Variants in CFAP299 observed in about 807,000 individuals in gnomAD.
CFAP299 encodes cilia- and flagella-associated protein 299.
CFAP299 carries 21 observed loss-of-function variants against 27.0 expected under a neutral mutation model. That is an observed-to-expected ratio of 0.78 (90% CI 0.55 to 1.12). The LOEUF is 1.12. Ranked by LOEUF, CFAP299 falls within the 50% of genes most tolerant of loss-of-function variation. The pLI is 0.00. For synonymous variants in CFAP299, 104 were observed against 98.1 expected, an observed-to-expected ratio of 1.06 and a Z score of -0.36; for missense variants, 310 against 276.6, an observed-to-expected ratio of 1.12 and a Z score of -0.86.
intron 3 of CFAP299, among the ~76,000 whole-genome samples, chr4:80,741,604 C>T (rs1210430212): frequency 1.3e-5 from 2 of 152,094 alleles, no homozygotes; most frequent in African/African-American, 4.8e-5. Context: ...TCTTTCTAAT[C>T]AGAAGGAAGG....
the CFAP299 span, among the ~76,000 whole-genome samples, chr4:80,324,613 C>T: frequency 6.6e-6 from 1 of 152,160 alleles, no homozygotes; most frequent in South Asian, 2.1e-4. Flanking sequence ...GTTGCTGCCA[C>T]CGTCTCCTCT....
At chr4:80,844,601 G>GT (rs1430716462) in intron 3 of CFAP299, among the ~76,000 whole-genome samples, 3 of 151,278 alleles carry the variant, frequency 2.0e-5, no homozygotes, top group African/African-American at 7.4e-5. Context: ...TGATGGGGTT[G>GT]TTTGTTTTTT....
At chr4:80,705,154 T>C (rs2110031093) in intron 3 of CFAP299, among the ~76,000 whole-genome samples, 1 of 151,936 alleles carries the variant, frequency 6.6e-6, no homozygotes, top group East Asian at 1.9e-4. Flanking sequence ...AATATAATAG[T>C]AACTGCTGAA....
At chr4:80,641,260 AG>A (rs1288078597) in intron 3 of CFAP299, among the ~76,000 whole-genome samples, 1 of 152,148 alleles carries the variant, frequency 6.6e-6, no homozygotes, top group Non-Finnish European at 1.5e-5. Flanking sequence ...GCTGGAGTAC[AG>A]TGGCATGATC....
chr4:80,519,979 G>C (rs912203228), intron 2 of CFAP299, among the ~76,000 whole-genome samples: 42 of 152,232 alleles, frequency 2.8e-4, no homozygotes, highest in African/African-American at 9.6e-4. Flanking sequence ...TGAAGGTCAG[G>C]ATGGGCTAGG....
At chr4:80,528,265 C>T (rs2110183656) in intron 2 of CFAP299, among the ~76,000 whole-genome samples, 1 of 152,142 alleles carries the variant, frequency 6.6e-6, no homozygotes. Flanking sequence ...ATATTTTCAA[C>T]CTCATTCTAT....
At chr4:80,368,809 T>A (rs915378409) in intron 2 of CFAP299, among the ~76,000 whole-genome samples, 3 of 152,226 alleles carry the variant, frequency 2.0e-5, no homozygotes, top group African/African-American at 7.2e-5. Context: ...TAATTTTAAC[T>A]TTTTGCTTAG....
chr4:80,428,647 C>T (rs944708109), intron 2 of CFAP299, among the ~76,000 whole-genome samples: 5 of 151,874 alleles, frequency 3.3e-5, no homozygotes, highest in Non-Finnish European at 7.4e-5. Context: ...CTGCCCCAGC[C>T]TCACGAGTAG....
At chr4:80,800,155 A>G (rs1728338925) in intron 3 of CFAP299, among the ~76,000 whole-genome samples, 1 of 72,338 alleles carries the variant, frequency 1.4e-5, no homozygotes, top group Non-Finnish European at 2.3e-5. Context: ...ATATTTATAT[A>G]ATATATAATA....
chr4:80,428,425 G>A (rs1727630902), intron 2 of CFAP299, among the ~76,000 whole-genome samples: 1 of 152,130 alleles, frequency 6.6e-6, no homozygotes, highest in South Asian at 2.1e-4. Flanking sequence ...GAATTACTCT[G>A]GGAAAATAAT....
intron 2 of CFAP299, among the ~76,000 whole-genome samples, chr4:80,489,151 G>A (rs990071310): frequency 2.0e-5 from 3 of 152,060 alleles, no homozygotes; most frequent in African/African-American, 7.2e-5. Context: ...CCTGGAGATG[G>A]GTCTAGCAAT....
chr4:80,594,929 G>A (rs537480294), intron 3 of CFAP299, among the ~76,000 whole-genome samples: 3 of 152,238 alleles, frequency 2.0e-5, no homozygotes, highest in Admixed American at 2.0e-4. Flanking sequence ...ATCTGTGACT[G>A]GAGAGGAGCT....
At chr4:80,665,768 TTGTGGGAG>T (rs1201914217) in intron 3 of CFAP299, among the ~76,000 whole-genome samples, 2 of 152,122 alleles carry the variant, frequency 1.3e-5, no homozygotes, top group Non-Finnish European at 2.9e-5. Context: ...AGTGATTAGA[TTGTGGGAG>T]TAGATTTTTC....
chr4:80,337,419 A>C (rs955270158), intron 1 of CFAP299, among the ~76,000 whole-genome samples: 2 of 147,618 alleles, frequency 1.4e-5, no homozygotes, highest in Non-Finnish European at 3.0e-5. Flanking sequence ...TTTTTTTGAG[A>C]TAGAGTTTCA....
rs1172133495 is a variant in CFAP299, at chr4:80,863,284, G to A, written c.334-6709G>A. 2.7e-5 allele frequency among the ~76,000 whole-genome samples: 4 copies of A among 149,886 alleles called. No homozygotes were observed. In the East Asian group the frequency reaches 5.9e-4, roughly 22 times the overall value. Reference sequence around the variant, plus strand: ...GTATCAGTTTTATGTCCCCTCATTAGTATTTGGCAAGAAAAATCAGGCAAC... The same window carrying A: ...GTATCAGTTTTATGTCCCCTCATTAATATTTGGCAAGAAAAATCAGGCAAC... On this transcript the variant is annotated intron_variant, in intron 3 of 5. Coordinates refer to ENST00000358105, the MANE Select transcript of CFAP299 (RefSeq NM_152770.3).
chr4:80,921,587 C>T (rs2110211321), intron 4 of CFAP299, among the ~76,000 whole-genome samples: 1 of 152,142 alleles, frequency 6.6e-6, no homozygotes, highest in South Asian at 2.1e-4. Flanking sequence ...AGCAGTAAGA[C>T]ATGAAGGGCC....
At position 80,891,195 on chromosome 4, in the gene CFAP299, T is replaced by C. The variant is rs1172089873; in HGVS notation, c.476+21060T>C. Among the ~76,000 whole-genome samples, 34 of 149,374 alleles carry C rather than the reference T, an allele frequency of 2.3e-4. 1 individual carries two copies. Among genetic ancestry groups the C allele is most frequent in the Non-Finnish European group, 4.4e-4 (30 of 67,440 alleles). Reference sequence around the variant, plus strand: ...CTTCTAGGGTTTTTATGGTTTTAGGTCTAACGTTTAAATCTTTAATCCATC... The same window carrying C: ...CTTCTAGGGTTTTTATGGTTTTAGGCCTAACGTTTAAATCTTTAATCCATC... On this transcript the variant is annotated intron_variant, in intron 4 of 5. Transcript: ENST00000358105.
intron 2 of CFAP299, among the ~76,000 whole-genome samples, chr4:80,579,055 A>C (rs1736031785): frequency 1.3e-5 from 2 of 152,216 alleles, no homozygotes; most frequent in Admixed American, 6.6e-5. Context: ...CCAAAATGAC[A>C]GTGGCTGAAA....
intron 2 of CFAP299, among the ~76,000 whole-genome samples, chr4:80,559,890 C>T (rs1734955740): frequency 6.6e-6 from 1 of 152,154 alleles, no homozygotes; most frequent in African/African-American, 2.4e-5. Context: ...ACTTGAAAGA[C>T]AGTCTAGGCC....
Sources: gnomAD v4.1 joint callset for allele counts (sites outside exome capture counted in the v4.1 genomes callset) on GRCh38, gnomAD v4.1.1 for gene constraint, MANE v1.5 for transcripts, NCBI Gene and HGNC (gene_info 2026-07-23, HGNC 2026-07-21) for gene names.